Variants in LSM12 observed in about 807,000 individuals in gnomAD.
The protein encoded by LSM12 is protein LSM12.
For missense variants in LSM12, 108 were observed against 238.9 expected (o/e 0.45, Z 3.61); for synonymous variants, 74 against 87.3 (o/e 0.85, Z 0.85).
intron 2 of LSM12, among the ~76,000 whole-genome samples, chr17:44,051,223 G>A (rs1443582480): frequency 6.6e-6 from 1 of 151,898 alleles, no homozygotes; most frequent in African/African-American, 2.4e-5. Flanking sequence ...TGGCCAATAT[G>A]GTAAAACCCC....
chr17:44,049,381 G>A (rs1001778476), intron 2 of LSM12, among the ~76,000 whole-genome samples: 16 of 152,064 alleles, frequency 1.1e-4, no homozygotes, highest in African/African-American at 1.9e-4. Flanking sequence ...GGGCTCAAGC[G>A]ATCTTCCCAC....
At chr17:44,049,990 G>T (rs1322960626) in intron 2 of LSM12, among the ~76,000 whole-genome samples, 1 of 152,204 alleles carries the variant, frequency 6.6e-6, no homozygotes, top group African/African-American at 2.4e-5. Context: ...CAAGCCTGGT[G>T]GGTGTCAAGG....
Position 44,062,097 on chromosome 17 carries a change from C to T in LSM12, c.258+1704G>A, listed in dbSNP as rs897845604. ...GTTAGCCGGGCGTGGTGTCGGGCGC[C>T]TGTAGTCCCAGCTACTAGGAAGGCT... is the stretch of plus-strand genomic sequence containing the variant. On this transcript the variant is annotated intron_variant, in intron 2 of 4. Coordinates refer to ENST00000293406, the MANE Select transcript of LSM12 (RefSeq NM_001371445.1). Among the ~76,000 whole-genome samples the T allele has an allele frequency of 3.3e-5, 5 of 152,096 alleles. No individual in the cohort carries two copies. The East Asian group carries it at 7.7e-4, about 24-fold the overall frequency.
intron 1 of LSM12, among the ~76,000 whole-genome samples, chr17:44,065,994 C>T (rs2144121120): frequency 6.6e-6 from 1 of 152,242 alleles, no homozygotes; most frequent in East Asian, 1.9e-4. Context: ...ACCGCCCTTC[C>T]TTGGACGAAA....
chr17:44,067,018 G>A (rs533320816), upstream of LSM12, among the ~76,000 whole-genome samples: 1 of 152,326 alleles, frequency 6.6e-6, no homozygotes, highest in African/African-American at 2.4e-5. Context: ...ATGATTATAA[G>A]GCTGGGAGCG....
Position 44,035,772 on chromosome 17 carries a change from A to G in LSM12, c.*436T>C, listed in dbSNP as rs1203381854. ...CTGCTCTGGTCTCAATTTAAGAATC[A>G]CAGTCAGCTTGTTACTTTTATTTTG... is the stretch of plus-strand genomic sequence containing the variant. On this transcript the variant is annotated 3_prime_UTR_variant, in exon 5 of 5. Transcript: ENST00000293406. The G allele has an allele frequency of 6.5e-6, 1 of 153,096 alleles. No homozygotes were observed. Among genetic ancestry groups the G allele is most frequent in the East Asian group, 1.9e-4 (1 of 5,236 alleles). 9.5% of individuals were successfully genotyped at this position (153,096 alleles called of 1,614,324 possible).
chr17:44,058,629 G>A (rs992816550), intron 2 of LSM12, among the ~76,000 whole-genome samples: 16 of 152,032 alleles, frequency 1.1e-4, no homozygotes, highest in Admixed American at 6.6e-5. Flanking sequence ...TCAGGAGTTC[G>A]AGATCAGCCT....
At chr17:44,064,438 G>A (rs1458000414) in intron 1 of LSM12, among the ~76,000 whole-genome samples, 1 of 152,140 alleles carries the variant, frequency 6.6e-6, no homozygotes, top group Non-Finnish European at 1.5e-5. Context: ...AGTAAAAGTT[G>A]AGTAATTCAG....
chr17:44,065,031 G>A (rs1002403028), intron 1 of LSM12, among the ~76,000 whole-genome samples: 2 of 152,092 alleles, frequency 1.3e-5, no homozygotes, highest in African/African-American at 2.4e-5. Context: ...TACTCGGGAG[G>A]CTGAGGCAGA....
intron 2 of LSM12, among the ~76,000 whole-genome samples, chr17:44,040,866 T>C (rs2049478713): frequency 1.3e-5 from 2 of 149,816 alleles, no homozygotes; most frequent in South Asian, 2.1e-4. Flanking sequence ...GCTCCTGTAA[T>C]CCCAGCTACT....
chr17:44,047,910 G>A (rs367655518), intron 2 of LSM12, among the ~76,000 whole-genome samples: 6 of 151,624 alleles, frequency 4.0e-5, no homozygotes, highest in Admixed American at 6.6e-5. Flanking sequence ...TTGGCTGGGC[G>A]TGGTCACTCA....
At chr17:44,057,400 G>A (rs1013042806) in intron 2 of LSM12, among the ~76,000 whole-genome samples, 4 of 149,696 alleles carry the variant, frequency 2.7e-5, no homozygotes, top group Admixed American at 6.6e-5. Context: ...CGCCCGCCTC[G>A]GCCTCTCAAA....
chr17:44,054,814 G>A (rs531015175), intron 2 of LSM12, among the ~76,000 whole-genome samples: 9 of 151,732 alleles, frequency 5.9e-5, no homozygotes, highest in South Asian at 2.1e-4. Context: ...CAGGGACTGC[G>A]GCCTTGGCGA....
intron 2 of LSM12, among the ~76,000 whole-genome samples, chr17:44,041,198 C>A (rs961034058): frequency 2.0e-5 from 3 of 151,152 alleles, no homozygotes; most frequent in South Asian, 2.1e-4. Context: ...TTGAACACAG[C>A]AGGCAGATGT....
At position 44,036,129 on chromosome 17, in the gene LSM12, TC is replaced by T; in HGVS notation, c.*78del. 7.1e-7 allele frequency: 1 copy of T among 1,399,442 alleles called. No individual in the cohort carries two copies. The highest frequency in any genetic ancestry group is 1.2e-5 in the South Asian group (1 of 82,170). The allele number at this position is 1,399,442 out of a possible 1,614,324, so 86.7% of individuals were successfully genotyped here. The stretch of plus-strand genomic sequence containing the variant: ...AACAGGACATATAGGATCCCTTCCC[TC>T]CCCCGGCCTGCCTCCGCTGAAGCCA... On this transcript the variant is annotated 3_prime_UTR_variant, in exon 5 of 5. Transcript: ENST00000293406.
rs67446547 is a variant in LSM12 at position 44,045,936 on chromosome 17, C to CTTT, written c.259-5683_259-5681dup. On this transcript the variant is annotated intron_variant, in intron 2 of 4. Transcript: ENST00000293406. ...TGTATGTAAAAGTAAAAATATTTTA[C>CTTT]TTTTTTTTTTTTTTTTTTGAGACGG... Among the ~76,000 whole-genome samples the CTTT allele has an allele frequency of 4.4e-4, 54 of 122,526 alleles. 1 individual carries two copies. The highest frequency in any genetic ancestry group is 4.6e-4 in the East Asian group (2 of 4,326). 80.4% of individuals were successfully genotyped at this position (122,526 alleles called of 152,430 possible). A position where few individuals can be genotyped will look rare whatever the true frequency, so the allele number is the denominator to read the frequency against.
rs796551016 is a variant in LSM12, at chr17:44,043,671, TAAG to T, written c.259-3418_259-3416del. Among the ~76,000 whole-genome samples, 115 of 151,836 alleles carry T rather than the reference TAAG, an allele frequency of 7.6e-4. 2 individuals carry two copies. Among genetic ancestry groups the T allele is most frequent in the African/African-American group, 2.8e-3 (114 of 41,390 alleles). On this transcript the variant is annotated intron_variant, in intron 2 of 4. Coordinates refer to ENST00000293406, the MANE Select transcript of LSM12 (RefSeq NM_001371445.1). ...GAATCTTGCTTTCCAAACAATGCCT[TAAG>T]AAAATCTGAAGTCGGCCAGCGCTGT...
chr17:44,060,758 T>C (rs1225914182), intron 2 of LSM12, among the ~76,000 whole-genome samples: 1 of 152,172 alleles, frequency 6.6e-6, no homozygotes, highest in African/African-American at 2.4e-5. Context: ...AAGGCAAAGA[T>C]AATCCACAAA....
intron 2 of LSM12, among the ~76,000 whole-genome samples, chr17:44,041,674 G>C (rs2049496715): frequency 6.6e-6 from 1 of 152,102 alleles, no homozygotes; most frequent in Non-Finnish European, 1.5e-5. Flanking sequence ...AGTAAAATCT[G>C]GTAGTCTACT....
Sources: gnomAD v4.1 joint callset for allele counts (sites outside exome capture counted in the v4.1 genomes callset) on GRCh38, gnomAD v4.1.1 for gene constraint, MANE v1.5 for transcripts, NCBI Gene and HGNC (gene_info 2026-07-23, HGNC 2026-07-21) for gene names.